The following ZC4H2 variants were observed in gnomAD, a reference collection of about 807,000 sequenced individuals.
ZC4H2 encodes the protein zinc finger C4H2 domain-containing protein.
For missense variants in ZC4H2, 137 were observed against 173.9 expected (o/e 0.79, Z 1.19); for synonymous variants, 84 against 66.3 (o/e 1.27, Z -1.30).
intron 1 of ZC4H2, among the ~76,000 whole-genome samples, chrX:65,008,186 C>T (rs750166583): frequency 4.5e-5 from 5 of 111,485 alleles, no homozygotes; most frequent in African/African-American, 1.3e-4. Flanking sequence ...TCAGAAGACA[C>T]GAACAGCCAA....
At chrX:65,004,348 C>A (rs1395644503) in intron 1 of ZC4H2, among the ~76,000 whole-genome samples, 2 of 111,881 alleles carry the variant, frequency 1.8e-5, no homozygotes, top group African/African-American at 6.5e-5. Flanking sequence ...TACTGAAAAA[C>A]CGAATCCAGA....
intron 1 of ZC4H2, among the ~76,000 whole-genome samples, chrX:64,949,126 C>G (rs1272621253): frequency 1.8e-5 from 2 of 111,609 alleles, no homozygotes; most frequent in Non-Finnish European, 3.8e-5. Context: ...ATCAATTTGT[C>G]TATAAGATTT....
At chrX:64,941,330 C>A (rs773375783) in intron 1 of ZC4H2, among the ~76,000 whole-genome samples, 54 of 111,903 alleles carry the variant, frequency 4.8e-4, no homozygotes, top group African/African-American at 1.7e-3. Context: ...ACCATCATGT[C>A]ATTTGCAAAC....
chrX:64,922,517 G>T (rs943400142), intron 1 of ZC4H2, among the ~76,000 whole-genome samples: 1 of 111,628 alleles, frequency 9.0e-6, no homozygotes, highest in Non-Finnish European at 1.9e-5. Flanking sequence ...GTTCCCTTAT[G>T]GGGCATTTGC....
At chrX:64,946,911 C>T (rs1021901797) in intron 1 of ZC4H2, among the ~76,000 whole-genome samples, 4 of 111,133 alleles carry the variant, frequency 3.6e-5, no homozygotes, top group African/African-American at 9.8e-5. Flanking sequence ...TCTTCTTCCT[C>T]GAGTTTCTTG....
chrX:64,938,007 A>G, intron 1 of ZC4H2, among the ~76,000 whole-genome samples: 1 of 111,825 alleles, frequency 8.9e-6, no homozygotes, highest in South Asian at 3.7e-4. Context: ...CTGGTTTTTG[A>G]AAAAAGTCAT....
intron 1 of ZC4H2, among the ~76,000 whole-genome samples, chrX:64,973,541 G>A (rs909305984): frequency 2.7e-5 from 3 of 109,159 alleles, no homozygotes; most frequent in African/African-American, 6.7e-5. Flanking sequence ...CTAGATAACA[G>A]TATAAATTTA....
At chrX:64,977,428 C>T (rs7055125), upstream of ZC4H2, among the ~76,000 whole-genome samples, 9,243 of 111,777 alleles carry the variant, frequency 0.083, 1,020 homozygotes, top group African/African-American at 0.29. Context: ...CTATGAAATA[C>T]GTTAAATGTC....
At chrX:64,982,089 C>T (rs1409598375) in intron 1 of ZC4H2, among the ~76,000 whole-genome samples, 1 of 111,265 alleles carries the variant, frequency 9.0e-6, no homozygotes, top group Non-Finnish European at 1.9e-5. Flanking sequence ...TCCGAAAAAC[C>T]CTAGTGTAAA....
At chrX:64,942,478 C>T (rs1011341621) in intron 1 of ZC4H2, among the ~76,000 whole-genome samples, 1 of 107,305 alleles carries the variant, frequency 9.3e-6, no homozygotes, top group African/African-American at 3.4e-5. Context: ...TATCTCTCCC[C>T]TTGCCCCCCC....
At chrX:64,978,203 G>T (rs1185048589), upstream of ZC4H2, among the ~76,000 whole-genome samples, 1 of 111,922 alleles carries the variant, frequency 8.9e-6, no homozygotes, top group Non-Finnish European at 1.9e-5. Flanking sequence ...GTAGGAGCTT[G>T]AGAAGTTTGT....
chrX:64,982,869 T>C (rs1484027239), intron 1 of ZC4H2, among the ~76,000 whole-genome samples: 1 of 111,851 alleles, frequency 8.9e-6, no homozygotes, highest in Non-Finnish European at 1.9e-5. Context: ...AAAGTAAAAA[T>C]AACACATAAA....
chrX:64,922,240 A>T, intron 1 of ZC4H2: 2 of 316,203 alleles, frequency 6.3e-6, no homozygotes, highest in Non-Finnish European at 4.8e-6. Context: ...GTGAGACCTT[A>T]TATCTACAAA....
intron 1 of ZC4H2, among the ~76,000 whole-genome samples, chrX:64,957,544 C>G (rs1464404579): frequency 1.8e-5 from 2 of 110,701 alleles, no homozygotes; most frequent in Non-Finnish European, 3.8e-5. Context: ...TTTATTTTTA[C>G]TTTTTGGACT....
intron 1 of ZC4H2, among the ~76,000 whole-genome samples, chrX:64,990,205 AC>A (rs928528606): frequency 2.7e-5 from 3 of 112,220 alleles, no homozygotes; most frequent in African/African-American, 9.7e-5. Context: ...AATAAAGAAA[AC>A]TATTGATACA....
intron 1 of ZC4H2, among the ~76,000 whole-genome samples, chrX:64,964,532 C>T (rs370679196): frequency 3.6e-5 from 4 of 111,229 alleles, no homozygotes; most frequent in South Asian, 3.7e-4. Flanking sequence ...AAAGTACGGA[C>T]GAAATCCATG....
chrX:64,945,210 G>A (rs754569944), intron 1 of ZC4H2, among the ~76,000 whole-genome samples: 1 of 112,493 alleles, frequency 8.9e-6, no homozygotes, highest in African/African-American at 3.2e-5. Context: ...CCTCATCTTC[G>A]TGTATTTATT....
At chrX:64,941,594 T>TA (rs1390715845) in intron 1 of ZC4H2, among the ~76,000 whole-genome samples, 1 of 112,445 alleles carries the variant, frequency 8.9e-6, no homozygotes, top group African/African-American at 3.2e-5. Context: ...GGAATGTTTT[T>TA]AGCATGAAGA....
chrX:65,020,714 C>T (rs775748777), intron 1 of ZC4H2, among the ~76,000 whole-genome samples: 2 of 111,401 alleles, frequency 1.8e-5, no homozygotes, highest in South Asian at 7.6e-4. Context: ...GAGCTAAATG[C>T]CCAATTAAAA....
Sources: gnomAD v4.1 joint callset for allele counts (sites outside exome capture counted in the v4.1 genomes callset) on GRCh38, gnomAD v4.1.1 for gene constraint, MANE v1.5 for transcripts, NCBI Gene and HGNC (gene_info 2026-07-23, HGNC 2026-07-21) for gene names.